The following ERG variants were observed in gnomAD, a reference collection of about 807,000 sequenced individuals.
ERG encodes the protein transcriptional regulator ERG.
Under a neutral mutation model 55.3 loss-of-function variants are expected in ERG, and 9 were observed. That is an observed-to-expected ratio of 0.16 (90% CI 0.10 to 0.28). The LOEUF is 0.28. Among genes scored for constraint, ERG ranks in the 10% least tolerant of loss-of-function variants. The pLI, the probability that ERG is intolerant of heterozygous loss-of-function variation, is 1.00. For synonymous variants in ERG, 223 were observed against 237.3 expected (o/e 0.94, Z 0.55); for missense variants, 434 against 631.6 (o/e 0.69, Z 3.35).
intron 2 of ERG, among the ~76,000 whole-genome samples, chr21:38,532,049 C>A (rs2059676074): frequency 6.6e-6 from 1 of 152,104 alleles, no homozygotes; most frequent in African/African-American, 2.4e-5. Flanking sequence ...GTGTATAAAT[C>A]AAGATTCAGT....
intron 3 of ERG, among the ~76,000 whole-genome samples, chr21:38,410,415 C>T (rs1344096841): frequency 6.6e-6 from 1 of 152,208 alleles, no homozygotes; most frequent in Non-Finnish European, 1.5e-5. Context: ...CAGAAGCCAT[C>T]ACTCTCTGAA....
At chr21:38,451,350 C>A in intron 1 of ERG, 2 of 405,852 alleles carry the variant, frequency 4.9e-6, no homozygotes, top group Admixed American at 3.0e-5. Context: ...TGGCTTAAAT[C>A]AACAACCTTG....
intron 2 of ERG, among the ~76,000 whole-genome samples, chr21:38,442,836 TTC>T (rs1280848271): frequency 6.6e-6 from 1 of 152,076 alleles, no homozygotes; most frequent in Non-Finnish European, 1.5e-5. Context: ...GAGATGGAGT[TTC>T]TCTCTGTCGC....
intron 6 of ERG, among the ~76,000 whole-genome samples, chr21:38,392,678 A>G (rs1401392022): frequency 6.6e-6 from 1 of 152,214 alleles, no homozygotes; most frequent in Non-Finnish European, 1.5e-5. Context: ...AGATTCTCCC[A>G]GAGCTTTCCA....
intron 2 of ERG, among the ~76,000 whole-genome samples, chr21:38,425,149 C>T (rs563096108): frequency 2.9e-4 from 44 of 152,186 alleles, no homozygotes; most frequent in Non-Finnish European, 5.0e-4. Flanking sequence ...TTTGGGAGGC[C>T]GAGGTGGGCA....
At chr21:38,491,253 A>G (rs978365940) in intron 1 of ERG, among the ~76,000 whole-genome samples, 12 of 151,414 alleles carry the variant, frequency 7.9e-5, no homozygotes, top group Non-Finnish European at 1.8e-4. Flanking sequence ...AAACCCAAAG[A>G]GCATGGAGAT....
At chr21:38,481,107 A>G (rs1468208722) in intron 1 of ERG, among the ~76,000 whole-genome samples, 1 of 152,244 alleles carries the variant, frequency 6.6e-6, no homozygotes, top group Non-Finnish European at 1.5e-5. Flanking sequence ...TTGAGAAACA[A>G]TGAACTCCTA....
intron 1 of ERG, among the ~76,000 whole-genome samples, chr21:38,469,232 C>T (rs2059119369): frequency 6.6e-6 from 1 of 152,090 alleles, no homozygotes; most frequent in African/African-American, 2.4e-5. Flanking sequence ...GTTTTTAATG[C>T]CATGTCTATC....
chr21:38,523,059 G>A (rs2059605999), intron 2 of ERG, among the ~76,000 whole-genome samples: 1 of 152,130 alleles, frequency 6.6e-6, no homozygotes, highest in Non-Finnish European at 1.5e-5. Context: ...TTTCTCAAAG[G>A]AGGCATTGTG....
intron 1 of ERG, among the ~76,000 whole-genome samples, chr21:38,488,435 T>A (rs1270410505): frequency 6.6e-6 from 1 of 152,168 alleles, no homozygotes; most frequent in Non-Finnish European, 1.5e-5. Flanking sequence ...GTTGACTTGA[T>A]CTATTTTTTT....
intron 2 of ERG, among the ~76,000 whole-genome samples, chr21:38,504,339 A>G (rs2146706206): frequency 6.6e-6 from 1 of 152,314 alleles, no homozygotes; most frequent in East Asian, 1.9e-4. Context: ...TCTCAAGTTT[A>G]GGCCAATTTT....
At position 38,391,055 on chromosome 21, in the gene ERG, G is replaced by T. The variant is rs763365661; in HGVS notation, c.872-13C>A. On this transcript the variant is annotated splice_polypyrimidine_tract_variant and intron_variant, in intron 8 of 9. Transcript: ENST00000288319. ...ATCTGATAAGGATCTACAGCAAAAAGAAACAAAGTCAAATCCTAGACATAG... is the reference window on the plus strand; with the variant it reads ...ATCTGATAAGGATCTACAGCAAAAATAAACAAAGTCAAATCCTAGACATAG... 5 of 1,610,020 alleles carry T rather than the reference G, an allele frequency of 3.1e-6. No homozygotes were observed. In the Admixed American group the frequency reaches 8.4e-5, roughly 27 times the overall value.
chr21:38,640,665 C>T (rs2060418818), intron 1 of ERG, among the ~76,000 whole-genome samples: 1 of 152,182 alleles, frequency 6.6e-6, no homozygotes, highest in African/African-American at 2.4e-5. Context: ...GTGAGGCCTC[C>T]CCAGCCACGT....
chr21:38,537,780 A>G (rs1185828347), intron 2 of ERG, among the ~76,000 whole-genome samples: 1 of 152,234 alleles, frequency 6.6e-6, no homozygotes, highest in Non-Finnish European at 1.5e-5. Context: ...AAAATTAAAA[A>G]TAGAATTAAC....
At chr21:38,406,789 C>T (rs1370410569) in intron 3 of ERG, among the ~76,000 whole-genome samples, 3 of 152,026 alleles carry the variant, frequency 2.0e-5, no homozygotes, top group African/African-American at 4.8e-5. Context: ...CCACTAGGTT[C>T]GTGTTAAAAT....
At chr21:38,511,384 T>A (rs572111772) in intron 2 of ERG, among the ~76,000 whole-genome samples, 1 of 152,240 alleles carries the variant, frequency 6.6e-6, no homozygotes, top group East Asian at 1.9e-4. Flanking sequence ...AAGCTAGGCA[T>A]TGATTGATGT....
chr21:38,593,153 G>A (rs982236029), intron 1 of ERG, among the ~76,000 whole-genome samples: 2 of 152,216 alleles, frequency 1.3e-5, no homozygotes, highest in Non-Finnish European at 2.9e-5. Flanking sequence ...AAAACACACA[G>A]CAGCAAAACA....
chr21:38,372,639 C>T, the ERG span, among the ~76,000 whole-genome samples: 1 of 151,920 alleles, frequency 6.6e-6, no homozygotes, highest in African/African-American at 2.4e-5. Flanking sequence ...TGACATCTAG[C>T]ATAATTACTT....
At position 38,626,430 on chromosome 21, in the gene ERG, T is replaced by C. The variant is rs569327030; in HGVS notation, c.-150+35228A>G. ...AAATTTTAGAGCAAGTTGACATCAC[T>C]GTGACATCAGTATGAGCTCAGTGCT... On this transcript the variant is annotated intron_variant, in intron 1 of 10. Transcript: ENST00000398910. Among the ~76,000 whole-genome samples, 5 of 152,310 alleles carry C rather than the reference T, an allele frequency of 3.3e-5. No individual in the cohort carries two copies. The East Asian group carries it at 7.7e-4, about 24-fold the overall frequency.
Sources: gnomAD v4.1 joint callset for allele counts (sites outside exome capture counted in the v4.1 genomes callset) on GRCh38, gnomAD v4.1.1 for gene constraint, MANE v1.5 for transcripts, NCBI Gene and HGNC (gene_info 2026-07-23, HGNC 2026-07-21) for gene names.